The following IGF1R variants were observed in gnomAD, a reference collection of about 807,000 sequenced individuals.
The protein encoded by IGF1R is insulin like growth factor 1 receptor, also known as insulin-like growth factor 1 receptor.
Under a neutral mutation model 144.6 loss-of-function variants are expected in IGF1R, and 44 were observed. That is an observed-to-expected ratio of 0.30 (90% CI 0.24 to 0.39). The LOEUF is 0.39. IGF1R is among the 10% of genes least tolerant of loss of function. IGF1R has a pLI of 1.00. For missense variants in IGF1R, 1,355 were observed against 1,833.7 expected (o/e 0.74, Z 4.77); for synonymous variants, 795 against 722.8 (o/e 1.10, Z -1.60).
intron 2 of IGF1R, among the ~76,000 whole-genome samples, chr15:98,757,051 A>C (rs1311432977): frequency 6.6e-6 from 1 of 152,236 alleles, no homozygotes; most frequent in Non-Finnish European, 1.5e-5. Flanking sequence ...GTAAAATGCA[A>C]AGGTTTTATT....
chr15:98,931,375 G>A (rs2015934236), intron 15 of IGF1R, among the ~76,000 whole-genome samples: 1 of 152,174 alleles, frequency 6.6e-6, no homozygotes, highest in Non-Finnish European at 1.5e-5. Flanking sequence ...TAATTATTGT[G>A]ATCAAATAAG....
chr15:98,796,432 A>G (rs2056243604), intron 2 of IGF1R, among the ~76,000 whole-genome samples: 1 of 152,180 alleles, frequency 6.6e-6, no homozygotes, highest in African/African-American at 2.4e-5. Context: ...TCTTCAACAA[A>G]TGCTTCTGAG....
intron 3 of IGF1R, among the ~76,000 whole-genome samples, chr15:98,892,366 C>T (rs564505164): frequency 2.6e-5 from 4 of 151,882 alleles, no homozygotes; most frequent in Admixed American, 6.6e-5. Context: ...GCCTGGCCAA[C>T]GTGATGAAAC....
chr15:98,716,332 C>T (rs2054115862), intron 2 of IGF1R, among the ~76,000 whole-genome samples: 1 of 152,192 alleles, frequency 6.6e-6, no homozygotes, highest in South Asian at 2.1e-4. Flanking sequence ...CTCTCTCTCT[C>T]TCCTCTTTGA....
At chr15:98,762,235 TTTC>T (rs144147425) in intron 2 of IGF1R, among the ~76,000 whole-genome samples, 21,587 of 111,450 alleles carry the variant, frequency 0.19, 1,831 homozygotes, top group South Asian at 0.33. Context: ...TTTCTTTTCT[TTTC>T]TTTTTTTTTT....
At chr15:98,909,869 C>G (rs1201690263) in intron 6 of IGF1R, among the ~76,000 whole-genome samples, 1 of 152,250 alleles carries the variant, frequency 6.6e-6, no homozygotes, top group East Asian at 1.9e-4. Context: ...CCTTTCTCAT[C>G]TAACCCTGTG....
intron 2 of IGF1R, among the ~76,000 whole-genome samples, chr15:98,728,540 T>A (rs1347280039): frequency 6.6e-6 from 1 of 152,218 alleles, no homozygotes; most frequent in Non-Finnish European, 1.5e-5. Flanking sequence ...TCTCATGACA[T>A]GTGCTTTGCT....
rs903664026 is a variant in IGF1R, at chr15:98,962,362, C to A, written c.*4920C>A. 19 of 233,514 alleles carry A rather than the reference C, an allele frequency of 8.1e-5. No homozygotes were observed. Among genetic ancestry groups the A allele is most frequent in the Non-Finnish European group, 1.4e-4 (17 of 118,096 alleles). 14.5% of individuals were successfully genotyped at this position (233,514 alleles called of 1,614,324 possible). A position where few individuals can be genotyped will look rare whatever the true frequency, so the allele number is the denominator to read the frequency against. ...TCTGTGTTGTCAGCTGTCTTCATTT[C>A]CTGGGCTAAGCAGCATTGGGAGATG... On this transcript the variant is annotated 3_prime_UTR_variant, in exon 21 of 21. Coordinates refer to ENST00000650285, the MANE Select transcript of IGF1R (RefSeq NM_000875.5).
chr15:98,805,431 C>T (rs1371736685), intron 2 of IGF1R, among the ~76,000 whole-genome samples: 1 of 152,120 alleles, frequency 6.6e-6, no homozygotes, highest in African/African-American at 2.4e-5. Flanking sequence ...CAAGACCAGA[C>T]TTCCAAATGG....
intron 2 of IGF1R, among the ~76,000 whole-genome samples, chr15:98,751,997 GT>G (rs1224745757): frequency 6.6e-6 from 1 of 152,124 alleles, no homozygotes; most frequent in Non-Finnish European, 1.5e-5. Flanking sequence ...GTCTGTGTCA[GT>G]ATTTGTTTAC....
chr15:98,957,718 C>T lies in IGF1R; in HGVS notation c.*276C>T, dbSNP rs975371425. 1.1e-5 allele frequency: 6 copies of T among 530,720 alleles called. No individual in the cohort carries two copies. Among genetic ancestry groups the T allele is most frequent in the African/African-American group, 1.9e-5 (1 of 52,734 alleles). The allele number at this position is 530,720 out of a possible 1,614,324, so 32.9% of individuals were successfully genotyped here. On this transcript the variant is annotated 3_prime_UTR_variant, in exon 21 of 21. Coordinates refer to ENST00000650285, the MANE Select transcript of IGF1R (RefSeq NM_000875.5). ...ATGACAACACTTAATAGCAACAGAG[C>T]ACTTGAGAACCAGTCTCCTCACTCT...
intron 18 of IGF1R, among the ~76,000 whole-genome samples, chr15:98,941,441 G>A (rs1377329996): frequency 3.9e-5 from 6 of 152,198 alleles, no homozygotes; most frequent in Non-Finnish European, 8.8e-5. Flanking sequence ...CATATTTATA[G>A]TGATTTTTTT....
chr15:98,854,194 A>C (rs1567162687), intron 2 of IGF1R, among the ~76,000 whole-genome samples: 1 of 152,182 alleles, frequency 6.6e-6, no homozygotes, highest in Non-Finnish European at 1.5e-5. Flanking sequence ...TCTGGGCATC[A>C]TGACTCTCTT....
chr15:98,897,162 A>G (rs2014241647), intron 4 of IGF1R: 5 of 499,432 alleles, frequency 1.0e-5, no homozygotes, highest in Non-Finnish European at 1.5e-5. Flanking sequence ...TTTGTTAGTC[A>G]CATCTTGCAT....
At chr15:98,820,705 T>G (rs2056785327) in intron 2 of IGF1R, among the ~76,000 whole-genome samples, 1 of 152,252 alleles carries the variant, frequency 6.6e-6, no homozygotes, top group Non-Finnish European at 1.5e-5. Flanking sequence ...TAAATGATTT[T>G]ACACATTAAG....
At chr15:98,662,778 C>T (rs1305675010) in intron 1 of IGF1R, among the ~76,000 whole-genome samples, 1 of 152,100 alleles carries the variant, frequency 6.6e-6, no homozygotes, top group Non-Finnish European at 1.5e-5. Flanking sequence ...ATATTTGACT[C>T]TCAAGATCCA....
chr15:98,665,215 T>C (rs2052706110), intron 1 of IGF1R, among the ~76,000 whole-genome samples: 1 of 152,192 alleles, frequency 6.6e-6, no homozygotes, highest in Non-Finnish European at 1.5e-5. Flanking sequence ...CCTCCCAAAG[T>C]GCTGGGATTA....
Position 98,707,653 on chromosome 15 carries a change from G to T in IGF1R, c.186G>T (p.Leu62=). Residue 62 remains leucine, a synonymous_variant, in exon 2 of 21, where the codon CTG becomes CTT. Transcript: ENST00000650285. The surrounding 1 kb of genome is among the most constrained non-coding windows in gnomAD (Gnocchi z 6.7). The part of the protein sequence containing the change: ...CTVIEGYLHI[L]LISKAEDYRS... ...TGATCGAGGGCTACCTCCACATCCTGCTCATCTCCAAGGCCGAGGACTACC... is the reference window on the plus strand; with the variant it reads ...TGATCGAGGGCTACCTCCACATCCTTCTCATCTCCAAGGCCGAGGACTACC... 1 of 1,614,178 alleles carries T rather than the reference G, an allele frequency of 6.2e-7. No individual in the cohort carries two copies.
chr15:98,878,663 C>CAAA (rs138285597), intron 2 of IGF1R, among the ~76,000 whole-genome samples: 723 of 57,736 alleles, frequency 0.013, 14 homozygotes, highest in Non-Finnish European at 0.016. Context: ...GTGAAAGACT[C>CAAA]AAAAAAAAAA....
Sources: allele counts gnomAD v4.1 joint callset (sites outside exome capture counted in the v4.1 genomes callset), GRCh38; gene constraint gnomAD v4.1.1; non-coding constraint Gnocchi (gnomAD v3.1); transcripts MANE v1.5; gene names NCBI Gene and HGNC (gene_info 2026-07-23, HGNC 2026-07-21).